DHRS2: variants seen among roughly 807,000 people sequenced by gnomAD.
The protein encoded by DHRS2 is dehydrogenase/reductase SDR family member 2, mitochondrial.
DHRS2 carries 29 observed loss-of-function variants against 26.3 expected under a neutral mutation model. The ratio of observed to expected loss-of-function variants is 1.10; its 90% CI spans 0.82 to 1.50. DHRS2 has a LOEUF of 1.50. Among genes scored for constraint, DHRS2 ranks in the 40% most tolerant of loss-of-function variants. The pLI is 0.00. For synonymous variants in DHRS2, 164 were observed against 151.3 expected, an observed-to-expected ratio of 1.08 and a Z score of -0.62; for missense variants, 439 against 367.1, an observed-to-expected ratio of 1.20 and a Z score of -1.60.
intron 3 of DHRS2, 113 bp from the exon 4 acceptor site, chr14:23,639,681 T>A (rs1456729766): frequency 8.2e-7 from 1 of 1,217,084 alleles, no homozygotes; most frequent in Non-Finnish European, 1.1e-6. Flanking sequence ...ACCTAGGTCA[T>A]TTTCCTTTAG....
At chr14:23,636,905 A>G (rs1890329469) in intron 1 of DHRS2, 133 bp downstream of exon 1, 1 of 152,254 alleles carries the variant, frequency 6.6e-6, no homozygotes, top group East Asian at 1.9e-4. Context: ...CGTGGGTGTC[A>G]GGCTTTCTGG....
chr14:23,634,059 CTTTTTTTT>C (rs58045171), upstream of DHRS2, among the ~76,000 whole-genome samples: 4 of 82,448 alleles, frequency 4.9e-5, no homozygotes, highest in Non-Finnish European at 6.4e-5. Context: ...TTTGCCCCTT[CTTTTTTTT>C]TTTTTTTTTT....
upstream of DHRS2, among the ~76,000 whole-genome samples, chr14:23,634,060 T>TTC (rs1890193769): frequency 1.9e-4 from 1 of 5,382 alleles, no homozygotes; most frequent in Admixed American, 2.1e-3. Context: ...TTGCCCCTTC[T>TTC]TTTTTTTTTT....
chr14:23,638,208 T>A, intron 1 of DHRS2: 1 of 154,592 alleles, frequency 6.5e-6, no homozygotes, highest in Non-Finnish European at 1.4e-5. Context: ...GCTTCACTCC[T>A]GAAGCCAGCA....
Position 23,645,266 on chromosome 14 carries a change from C to G in DHRS2, c.*13C>G. The G allele has an allele frequency of 6.2e-7, 1 of 1,613,888 alleles. No individual in the cohort carries two copies. Among genetic ancestry groups the G allele is most frequent in the Non-Finnish European group, 8.5e-7 (1 of 1,180,020 alleles). ...CACTCGGCTCTGAGAGGAGTGGGGGCGGCTGCGTAGCTGTGGTCCCAGGCC... is the reference window on the plus strand; with the variant it reads ...CACTCGGCTCTGAGAGGAGTGGGGGGGGCTGCGTAGCTGTGGTCCCAGGCC... On this transcript the variant is annotated 3_prime_UTR_variant, in exon 9 of 9. Transcript: ENST00000250383.
intron 8 of DHRS2, 29 bp from the exon 9 acceptor site, chr14:23,645,113 G>T: frequency 6.2e-7 from 1 of 1,613,660 alleles, no homozygotes; most frequent in Non-Finnish European, 8.5e-7. Context: ...AGTACAAGAT[G>T]CTTGACACTG....
At chr14:23,638,088 G>A (rs554660106) in intron 1 of DHRS2, 1 of 152,404 alleles carries the variant, frequency 6.6e-6, no homozygotes, top group African/African-American at 2.4e-5. Flanking sequence ...CACCACGAAG[G>A]TCTGCAACTT....
At chr14:23,641,653 T>G (rs1363144898) in intron 4 of DHRS2, 41 of 1,289,690 alleles carry the variant, frequency 3.2e-5, no homozygotes, top group Non-Finnish European at 3.9e-5. Flanking sequence ...AATCCTCAAT[T>G]CCTTCTTATT....
chr14:23,634,598 C>T (rs1890216498), upstream of DHRS2, among the ~76,000 whole-genome samples: 1 of 152,034 alleles, frequency 6.6e-6, no homozygotes, highest in Admixed American at 6.6e-5. Flanking sequence ...TTTAAGATTC[C>T]TTTATGTTGT....
At chr14:23,641,487 G>A (rs774503560) in intron 4 of DHRS2, 3 of 650,398 alleles carry the variant, frequency 4.6e-6, no homozygotes, top group African/African-American at 1.9e-5. Context: ...ATCAAGGGAG[G>A]GAGTCTCACC....
chr14:23,635,487 G>T (rs771305549), upstream of DHRS2, among the ~76,000 whole-genome samples: 21 of 152,140 alleles, frequency 1.4e-4, no homozygotes, highest in Non-Finnish European at 2.8e-4. Flanking sequence ...TCTGCAGGAT[G>T]CAAGTTCCCT....
At chr14:23,643,871 A>G (rs1022484354) in intron 5 of DHRS2, 1 of 545,870 alleles carries the variant, frequency 1.8e-6, no homozygotes, top group Non-Finnish European at 3.3e-6. Context: ...AGGAAGCAGA[A>G]GATAAGGGTT....
At chr14:23,635,440 T>C (rs2138361920), upstream of DHRS2, among the ~76,000 whole-genome samples, 1 of 152,256 alleles carries the variant, frequency 6.6e-6, no homozygotes, top group East Asian at 1.9e-4. Context: ...TCTCTGAACC[T>C]GTGTGTACAG....
chr14:23,644,461 C>T lies in DHRS2; in HGVS notation c.593C>T (p.Thr198Ile). 2 of 1,614,224 alleles carry T rather than the reference C, an allele frequency of 1.2e-6. No homozygotes were observed. The highest frequency in any genetic ancestry group is 1.7e-6 in the Non-Finnish European group (2 of 1,180,028). The change falls in exon 7 of 9, where the codon ACA becomes ATA. Residue 198 changes from threonine to isoleucine, a missense_variant. Thr to Ile is a moderately conservative substitution (Grantham distance 89, BLOSUM62 -1). Transcript: ENST00000250383. ...SKTALLGLTR[T>I]LALELAPKDI... ...ACAGCGCTGCTGGGTCTCACTAGAA[C>T]ACTGGCATTGGAGCTGGCCCCCAAG... is the stretch of plus-strand genomic sequence containing the variant.
chr14:23,642,082 A>G (rs1010877675), intron 4 of DHRS2: 5 of 1,068,148 alleles, frequency 4.7e-6, no homozygotes, highest in Non-Finnish European at 4.5e-6. Context: ...TGTGTGACTT[A>G]GCCCAGATTC....
At chr14:23,637,126 C>T (rs942372027) in intron 1 of DHRS2, among the ~76,000 whole-genome samples, 4 of 151,268 alleles carry the variant, frequency 2.6e-5, no homozygotes, top group Admixed American at 1.3e-4. Context: ...ACTCACCTAT[C>T]TATCCTATCT....
chr14:23,631,059 G>T (rs1594231666), intron 1 of DHRS2, among the ~76,000 whole-genome samples: 1 of 152,210 alleles, frequency 6.6e-6, no homozygotes, highest in Non-Finnish European at 1.5e-5. Context: ...ATCAGGAAAA[G>T]ACCTGGAAAG....
In DHRS2 at chr14:23,645,548, A is replaced by G. The variant is rs1890844706; in HGVS notation, c.*295A>G. The G allele has an allele frequency of 1.4e-5, 7 of 484,736 alleles. No homozygotes were observed. The highest frequency in any genetic ancestry group is 2.5e-5 in the Non-Finnish European group (7 of 276,018). The allele number at this position is 484,736 out of a possible 1,614,324, so 30.0% of individuals were successfully genotyped here. On this transcript the variant is annotated 3_prime_UTR_variant, in exon 9 of 9. Transcript: ENST00000250383. ...AGGAATCTTAAGGGAAAGGAGTAGA[A>G]GCTCAGGCCTTTGAAGGATTTCAGC...
chr14:23,639,812 G>A lies in DHRS2; in HGVS notation c.337G>A (p.Gly113Ser), dbSNP rs200606561. 3 of 1,609,788 alleles carry A rather than the reference G, an allele frequency of 1.9e-6. No homozygotes were observed. The highest frequency in any genetic ancestry group is 2.5e-6 in the Non-Finnish European group (3 of 1,177,746). The change falls in exon 4 of 9, where the codon GGC becomes AGC. Residue 113 changes from glycine to serine, a missense_variant. By Grantham distance (56) the Gly-to-Ser change is moderately conservative. Coordinates refer to ENST00000250383, the MANE Select transcript of DHRS2 (RefSeq NM_005794.4). Reference sequence around the variant, plus strand: ...TCCGCAGGCCCTGGAGCACTGTGGGGGCGTCGACTTCCTGGTGTGCAGCGC... The same window carrying A: ...TCCGCAGGCCCTGGAGCACTGTGGGAGCGTCGACTTCCTGGTGTGCAGCGC... Reference protein sequence around the residue: ...LVAKALEHCGGVDFLVCSAGV... With the variant: ...LVAKALEHCGSVDFLVCSAGV...
Sources: gnomAD v4.1 joint callset for allele counts (sites outside exome capture counted in the v4.1 genomes callset) on GRCh38, gnomAD v4.1.1 for gene constraint, MANE v1.5 for transcripts, NCBI Gene and HGNC (gene_info 2026-07-23, HGNC 2026-07-21) for gene names.